KAT6A: variants seen among roughly 807,000 people sequenced by gnomAD.
KAT6A encodes the protein lysine acetyltransferase 6A, also known as histone acetyltransferase KAT6A.
In KAT6A, 9 loss-of-function variants were observed where a neutral mutation model predicts 198.4. The ratio of observed to expected loss-of-function variants is 0.05; its 90% confidence interval spans 0.03 to 0.08. The LOEUF is 0.08. KAT6A is among the 10% of genes least tolerant of loss of function. The probability of loss-of-function intolerance (pLI) is 1.00; values close to 1 mark genes in which losing one functional copy is unlikely to be tolerated. For missense variants in KAT6A, 2,077 were observed against 2,509.9 expected (o/e 0.83, Z 3.69); for synonymous variants, 890 against 883.0 (o/e 1.01, Z -0.14).
chr8:42,022,072 C>T (rs548747713), intron 2 of KAT6A, among the ~76,000 whole-genome samples: 4 of 152,142 alleles, frequency 2.6e-5, no homozygotes, highest in Non-Finnish European at 5.9e-5. Flanking sequence ...TACGGCAAAT[C>T]GTTTGACCTC....
At chr8:41,971,961 C>CTCG (rs1823816706) in intron 8 of KAT6A, among the ~76,000 whole-genome samples, 1 of 152,116 alleles carries the variant, frequency 6.6e-6, no homozygotes, top group South Asian at 2.1e-4. Flanking sequence ...CTACCATTTA[C>CTCG]TCTTGTTCAC....
At chr8:42,030,760 TAG>T (rs1422199263) in intron 2 of KAT6A, among the ~76,000 whole-genome samples, 2 of 151,894 alleles carry the variant, frequency 1.3e-5, no homozygotes, top group Non-Finnish European at 2.9e-5. Context: ...GTATTTTTAG[TAG>T]AGACAGGGTT....
At chr8:42,043,688 A>G (rs979382528) in intron 2 of KAT6A, 1 of 152,228 alleles carries the variant, frequency 6.6e-6, no homozygotes, top group Non-Finnish European at 1.5e-5. Flanking sequence ...CACCAAGGAC[A>G]TTCACGATTC....
rs1375334197 is a variant in KAT6A at position 41,981,947 on chromosome 8, T to A, written c.717A>T (p.Pro239=). ...SCADCGNSGH[P]SCLKFSPELT... ...GTTCAGGGGAAAACTTTAAACAGGA[T>A]GGATGGCCTAATACGAGGGAGAACA... The change falls in exon 4 of 17, where the codon CCA becomes CCT. Residue 239 remains proline, a synonymous_variant. Transcript: ENST00000265713. 6.3e-7 allele frequency: 1 copy of A among 1,596,486 alleles called. No homozygotes were observed. The highest frequency in any genetic ancestry group is 8.6e-7 in the Non-Finnish European group (1 of 1,164,258).
chr8:41,932,844 A>T lies in KAT6A; in HGVS notation c.5376T>A (p.Ala1792=). Residue 1792 remains alanine, a synonymous_variant, in exon 17 of 17, where the codon GCT becomes GCA. Transcript: ENST00000265713. ...CTAAGGGATGAGATGGAGCCAGCTG[A>T]GCCAGTCCTGTATTGGACAGAGAAA... ...TSVSLSNTGL[A]QLAPSHPLAG... is the part of the protein sequence containing the mutation. 6.2e-7 allele frequency: 1 copy of T among 1,614,112 alleles called. No homozygotes were observed. The highest frequency in any genetic ancestry group is 8.5e-7 in the Non-Finnish European group (1 of 1,180,006).
chr8:42,003,786 G>T (rs1237831340), intron 2 of KAT6A, among the ~76,000 whole-genome samples: 2 of 152,046 alleles, frequency 1.3e-5, no homozygotes, highest in African/African-American at 2.4e-5. Context: ...TAAAGCTGGG[G>T]CCCTAATCCA....
chr8:41,943,612 G>T, intron 13 of KAT6A, 136 bp downstream of exon 13: 1 of 631,926 alleles, frequency 1.6e-6, no homozygotes, highest in Non-Finnish European at 2.8e-6. Context: ...ATCCTAGAAA[G>T]GAAAATGATA....
chr8:42,015,993 C>A (rs1249840328), intron 2 of KAT6A, among the ~76,000 whole-genome samples: 1 of 152,204 alleles, frequency 6.6e-6, no homozygotes, highest in East Asian at 1.9e-4. Flanking sequence ...GGCAAAGACT[C>A]TTAACTCCCA....
intron 12 of KAT6A, among the ~76,000 whole-genome samples, chr8:41,945,800 G>A (rs1027564233): frequency 2.6e-5 from 4 of 151,998 alleles, no homozygotes; most frequent in Non-Finnish European, 4.4e-5. Flanking sequence ...AGGCCAAGGC[G>A]GGTGGATCAC....
At chr8:42,009,441 T>G (rs1253987620) in intron 2 of KAT6A, among the ~76,000 whole-genome samples, 1 of 151,092 alleles carries the variant, frequency 6.6e-6, no homozygotes, top group Non-Finnish European at 1.5e-5. Context: ...GTATGTAAGT[T>G]TAAAAAGAAA....
chr8:41,958,418 G>C (rs1823032461), intron 8 of KAT6A: 1 of 152,190 alleles, frequency 6.6e-6, no homozygotes, highest in African/African-American at 2.4e-5. Context: ...GGCAGGAACA[G>C]CGAGTGAAGC....
intron 2 of KAT6A, among the ~76,000 whole-genome samples, chr8:41,993,004 C>CA (rs11446895): frequency 0.23 from 35,338 of 151,654 alleles, 5,039 homozygotes; most frequent in Middle Eastern, 0.4. Context: ...TTTCTAACTG[C>CA]AAAAAAAATG....
chr8:42,016,356 AAATT>A (rs1341443022), intron 2 of KAT6A, among the ~76,000 whole-genome samples: 1 of 152,218 alleles, frequency 6.6e-6, no homozygotes, highest in African/African-American at 2.4e-5. Context: ...GGCAATATAA[AAATT>A]AATAGCAAAG....
At chr8:41,960,499 T>A (rs1448149911) in intron 8 of KAT6A, among the ~76,000 whole-genome samples, 1 of 103,330 alleles carries the variant, frequency 9.7e-6, no homozygotes, top group Non-Finnish European at 1.8e-5. Flanking sequence ...AGAGTAAGAC[T>A]CCGTCTCAAA....
At chr8:42,037,382 A>C (rs1244942581) in intron 2 of KAT6A, among the ~76,000 whole-genome samples, 1 of 152,206 alleles carries the variant, frequency 6.6e-6, no homozygotes, top group Non-Finnish European at 1.5e-5. Flanking sequence ...TAAAGTACAG[A>C]ATCACACTCC....
In KAT6A at chr8:41,934,631, T is replaced by G; in HGVS notation, c.3589A>C (p.Lys1197Gln). ...CVIEPIVSIP[K>Q]AGRKPKIQES... ...TGGATCTTGGGTTTACGTCCAGCTT[T>G]AGGAATGGAAACGATGGGCTCAATG... is the stretch of plus-strand genomic sequence containing the variant. The change falls in exon 17 of 17, where the codon AAA becomes CAA. Residue 1197 changes from lysine (K) to glutamine (Q), a missense_variant. Lys to Gln is a moderately conservative substitution (Grantham distance 53). Transcript: ENST00000265713. 6.2e-7 allele frequency: 1 copy of G among 1,614,112 alleles called. No homozygotes were observed. The highest frequency in any genetic ancestry group is 8.5e-7 in the Non-Finnish European group (1 of 1,180,020).
chr8:41,946,489 TATATACACACACACACACACACACACAC>T (rs1822395191), intron 12 of KAT6A, 74 bp downstream of exon 12: 2 of 453,762 alleles, frequency 4.4e-6, no homozygotes, highest in African/African-American at 3.2e-5. Flanking sequence ...TAAATATATA[TATATACACACACACACACACACACACAC>T]ACACACACAC....
chr8:42,051,835 C>T (rs1248305198), intron 1 of KAT6A, 66 bp downstream of exon 1: 2 of 148,872 alleles, frequency 1.3e-5, no homozygotes, highest in African/African-American at 4.9e-5. Flanking sequence ...CGGAGTGGGC[C>T]CTGGAGCGGC....
At chr8:41,996,830 ACAG>A (rs1165054145) in intron 2 of KAT6A, among the ~76,000 whole-genome samples, 4 of 152,230 alleles carry the variant, frequency 2.6e-5, no homozygotes, top group African/African-American at 9.6e-5. Context: ...TTCTGTTACA[ACAG>A]CAGAAAACAG....
Sources: gnomAD v4.1 joint callset for allele counts (sites outside exome capture counted in the v4.1 genomes callset) on GRCh38, gnomAD v4.1.1 for gene constraint, MANE v1.5 for transcripts, NCBI Gene and HGNC (gene_info 2026-07-23, HGNC 2026-07-21) for gene names.